The following PTPRE variants were observed in gnomAD, a reference collection of about 807,000 sequenced individuals.
PTPRE encodes protein tyrosine phosphatase receptor type E, also known as receptor-type tyrosine-protein phosphatase epsilon.
Under a neutral mutation model 102.0 loss-of-function variants are expected in PTPRE, and 51 were observed. The observed-to-expected ratio is 0.50, with a 90% CI of 0.40 to 0.63. The LOEUF (loss-of-function observed/expected upper bound fraction) is 0.63. PTPRE is among the 30% of genes least tolerant of loss of function. The pLI, the probability that PTPRE is intolerant of heterozygous loss-of-function variation, is 0.00. For missense variants in PTPRE, 752 were observed against 915.1 expected (o/e 0.82, Z 2.30); for synonymous variants, 345 against 348.2 (o/e 0.99, Z 0.10).
In PTPRE at chr10:127,987,366, T is replaced by A. The variant is rs1015677262; in HGVS notation, c.-8+5070T>A. ...CATGGATTCTCCAAGGCCAGGATGGTTTCCCAGCGTCTTCCCAGGAAGACA... is the reference window on the plus strand; with the variant it reads ...CATGGATTCTCCAAGGCCAGGATGGATTCCCAGCGTCTTCCCAGGAAGACA... On this transcript the variant is annotated intron_variant, in intron 2 of 20. Transcript: ENST00000254667. 3 of 1,283,434 alleles carry A rather than the reference T, an allele frequency of 2.3e-6. No individual in the cohort carries two copies. The African/African-American group carries it at 4.6e-5, about 20-fold the overall frequency. The allele number at this position is 1,283,434 out of a possible 1,614,324, so 79.5% of individuals were successfully genotyped here.
chr10:127,943,469 G>A (rs936772268), intron 1 of PTPRE, among the ~76,000 whole-genome samples: 7 of 152,122 alleles, frequency 4.6e-5, no homozygotes, highest in South Asian at 2.1e-4. Context: ...CTTTCCCGTC[G>A]TCTTCTCCCA....
At position 128,066,118 on chromosome 10, in the gene PTPRE, A is replaced by G. The variant is rs1376102072; in HGVS notation, c.767A>G (p.Tyr256Cys). Residue 256 changes from tyrosine to cysteine, a missense_variant, in exon 11 of 21, where the codon TAT (tyrosine) becomes TGT (cysteine). Physicochemically the swap from Tyr to Cys is radical, Grantham distance 194 (BLOSUM62 -2). Transcript: ENST00000254667. ...QYWPDQGCWT[Y>C]GNIRVCVEDC... is the part of the protein sequence containing the mutation. Reference sequence around the variant, plus strand: ...TGGCCCGACCAAGGCTGCTGGACCTATGGAAACATCCGGGTGTGCGTGGAG... The same window carrying G: ...TGGCCCGACCAAGGCTGCTGGACCTGTGGAAACATCCGGGTGTGCGTGGAG... 4.3e-6 allele frequency: 7 copies of G among 1,614,114 alleles called. No individual in the cohort carries two copies. The Admixed American group carries it at 6.7e-5, about 15-fold the overall frequency.
In PTPRE at chr10:128,082,951, T is replaced by G. The variant is rs750741819; in HGVS notation, c.*45T>G. ...TTTTTTAATTTAATGGTCAGTATAT[T>G]TTGTAAAAATCATGTTAATTTATTT... On this transcript the variant is annotated 3_prime_UTR_variant, in exon 21 of 21. Transcript: ENST00000254667. 1.6e-5 allele frequency: 23 copies of G among 1,447,342 alleles called. No homozygotes were observed. The African/African-American group carries it at 1.6e-4, about 10-fold the overall frequency. 89.7% of individuals were successfully genotyped at this position (1,447,342 alleles called of 1,614,324 possible). A position where few individuals can be genotyped will look rare whatever the true frequency, so the allele number is the denominator to read the frequency against.
Position 128,070,770 on chromosome 10 carries a change from G to A in PTPRE, c.1294-38G>A. The A allele has an allele frequency of 6.3e-7, 1 of 1,589,360 alleles. No homozygotes were observed. Among genetic ancestry groups the A allele is most frequent in the Non-Finnish European group, 8.6e-7 (1 of 1,158,414 alleles). On this transcript the variant is annotated intron_variant, in intron 14 of 20. Coordinates refer to ENST00000254667, the MANE Select transcript of PTPRE (RefSeq NM_006504.6). This position sits in a 1 kb window ranked among gnomAD's most constrained non-coding sequence, Gnocchi z 4.8. Reference sequence around the variant, plus strand: ...CTGAGCAATGTGCTCAGGAGTGTCAGAGGTTTAACTGTGTCATTATATCCT... The same window carrying A: ...CTGAGCAATGTGCTCAGGAGTGTCAAAGGTTTAACTGTGTCATTATATCCT...
intron 11 of PTPRE, 55 bp from the exon 12 acceptor site, chr10:128,068,068 G>A (rs1850430636): frequency 1.9e-6 from 3 of 1,559,416 alleles, no homozygotes; most frequent in Admixed American, 1.8e-5. Flanking sequence ...TGAGATGCTG[G>A]GGGAGCAGGG....
At chr10:127,928,483 G>A (rs529962945) in intron 1 of PTPRE, among the ~76,000 whole-genome samples, 4 of 152,324 alleles carry the variant, frequency 2.6e-5, no homozygotes, top group East Asian at 3.9e-4. Context: ...TTGAATTGAT[G>A]TATCCTTCCT....
intron 2 of PTPRE, among the ~76,000 whole-genome samples, chr10:127,993,578 G>T (rs1379769754): frequency 6.6e-6 from 1 of 152,156 alleles, no homozygotes; most frequent in Non-Finnish European, 1.5e-5. Flanking sequence ...ATATGTGAAT[G>T]AGGGGATGAA....
At chr10:128,047,618 C>A in intron 4 of PTPRE, 129 bp downstream of exon 4, 1 of 1,613,910 alleles carries the variant, frequency 6.2e-7, no homozygotes, top group South Asian at 1.1e-5. Context: ...CTGGGAGACA[C>A]ACAGAGGCCA....
chr10:128,065,856 C>G (rs764506805), intron 10 of PTPRE, among the ~76,000 whole-genome samples: 17 of 152,168 alleles, frequency 1.1e-4, no homozygotes, highest in Admixed American at 3.3e-4. Flanking sequence ...CATCAGAAAG[C>G]CTTGGGGCAT....
Position 128,077,909 on chromosome 10 carries a change from C to T in PTPRE, c.1892+126C>T, listed in dbSNP as rs538435091. 217 of 1,088,764 alleles carry T rather than the reference C, an allele frequency of 2.0e-4. No homozygotes were observed. The African/African-American group carries it at 2.4e-3, about 12-fold the overall frequency. The allele number at this position is 1,088,764 out of a possible 1,614,324, so 67.4% of individuals were successfully genotyped here. A position where few individuals can be genotyped will look rare whatever the true frequency, so the allele number is the denominator to read the frequency against. On this transcript the variant is annotated intron_variant, in intron 19 of 20. Coordinates refer to ENST00000254667, the MANE Select transcript of PTPRE (RefSeq NM_006504.6). ...CATGGTATTCCCTAGAGTCTCCTCT[C>T]TACCTCTCCTTACACACATGCACAC...
At chr10:127,969,870 C>T (rs969200952) in intron 1 of PTPRE, among the ~76,000 whole-genome samples, 3 of 152,040 alleles carry the variant, frequency 2.0e-5, no homozygotes, top group Admixed American at 6.5e-5. Context: ...GCTGTTGGTT[C>T]TGGAGCATCC....
At chr10:128,047,362 G>C in intron 3 of PTPRE, 28 bp from the exon 4 acceptor site, 1 of 1,610,264 alleles carries the variant, frequency 6.2e-7, no homozygotes, top group East Asian at 2.2e-5. Flanking sequence ...TGAGGTCAGG[G>C]GTTAGGGTCT....
chr10:128,079,584 A>G lies in PTPRE; in HGVS notation c.1917A>G (p.Thr639=). 6.2e-7 allele frequency: 1 copy of G among 1,614,184 alleles called. No individual in the cohort carries two copies. The highest frequency in any genetic ancestry group is 8.5e-7 in the Non-Finnish European group (1 of 1,180,034). ...GTGCCGGAGCTGGGCGAACAGGTAC[A>G]TTCATAGCCCTCAGCAACATTTTGG... ...HCSAGAGRTG[T]FIALSNILER... The change falls in exon 20 of 21, where the codon ACA becomes ACG. Residue 639 remains threonine (T), a synonymous_variant. Transcript: ENST00000254667.
In PTPRE at chr10:128,085,380, T is replaced by A. The variant is rs1423013595; in HGVS notation, c.*2474T>A. 4.2e-6 allele frequency: 1 copy of A among 237,028 alleles called. No homozygotes were observed. The highest frequency in any genetic ancestry group is 2.2e-5 in the African/African-American group (1 of 44,900). The allele number at this position is 237,028 out of a possible 1,614,324, so 14.7% of individuals were successfully genotyped here. On this transcript the variant is annotated 3_prime_UTR_variant, in exon 21 of 21. Coordinates refer to ENST00000254667, the MANE Select transcript of PTPRE (RefSeq NM_006504.6). Reference sequence around the variant, plus strand: ...CACCATTGTTCCTTTCACACTTTCCTTTGTTGCATGCAGTTGGGTTCAAAT... The same window carrying A: ...CACCATTGTTCCTTTCACACTTTCCATTGTTGCATGCAGTTGGGTTCAAAT...
intron 1 of PTPRE, among the ~76,000 whole-genome samples, chr10:127,945,176 GA>G (rs1045648025): frequency 2.0e-5 from 3 of 152,172 alleles, no homozygotes; most frequent in Admixed American, 6.5e-5. Flanking sequence ...GTTGGTTTTC[GA>G]AGTTATTGGA....
At chr10:127,999,070 A>G (rs1339944643) in intron 2 of PTPRE, 1 of 152,122 alleles carries the variant, frequency 6.6e-6, no homozygotes, top group Non-Finnish European at 1.5e-5. Context: ...ACGCTGAGAG[A>G]GGAGGAAATG....
chr10:128,003,141 G>A (rs569282782), intron 2 of PTPRE, among the ~76,000 whole-genome samples: 6 of 152,278 alleles, frequency 3.9e-5, no homozygotes, highest in South Asian at 4.1e-4. Flanking sequence ...TCCTGACCTC[G>A]GGAGGTGACT....
chr10:128,016,027 G>A (rs899499156), intron 2 of PTPRE, among the ~76,000 whole-genome samples: 2 of 152,144 alleles, frequency 1.3e-5, no homozygotes, highest in African/African-American at 4.8e-5. Flanking sequence ...TCTGGAGGTG[G>A]AGATCAGAAT....
In PTPRE at chr10:127,944,526, G is replaced by A. The variant is rs1848493983; in HGVS notation, c.-31+37217G>A. ...TGGATGGATGGATGGGTGGATGGAT[G>A]GATAAATGGATGGATGGATAAGTGG... On this transcript the variant is annotated intron_variant, in intron 1 of 20. Coordinates refer to ENST00000254667, the MANE Select transcript of PTPRE (RefSeq NM_006504.6). The surrounding 1 kb of genome is among the most constrained non-coding windows in gnomAD (Gnocchi z 4.2). Among the ~76,000 whole-genome samples the A allele has an allele frequency of 6.7e-6, 1 of 149,834 alleles. No individual in the cohort carries two copies. Among genetic ancestry groups the A allele is most frequent in the Non-Finnish European group, 1.5e-5 (1 of 67,674 alleles).
Sources: gnomAD v4.1 joint callset for allele counts (sites outside exome capture counted in the v4.1 genomes callset) on GRCh38, gnomAD v4.1.1 for gene constraint, Gnocchi (gnomAD v3.1) non-coding constraint, MANE v1.5 for transcripts, NCBI Gene and HGNC (gene_info 2026-07-23, HGNC 2026-07-21) for gene names.